Variants in PDE4B observed in about 807,000 individuals in gnomAD.
The protein encoded by PDE4B is 3',5'-cyclic-AMP phosphodiesterase 4B.
In PDE4B, 20 loss-of-function variants were observed where a neutral mutation model predicts 82.2. The observed-to-expected ratio is 0.24, with a 90% CI of 0.17 to 0.35. The LOEUF is 0.35. PDE4B is among the 10% of genes least tolerant of loss of function. The pLI is 1.00. For synonymous variants in PDE4B, 320 were observed against 318.9 expected (o/e 1.00, Z -0.04); for missense variants, 655 against 907.2 (o/e 0.72, Z 3.57).
At chr1:66,252,800 G>A (rs1022187368) in intron 4 of PDE4B, among the ~76,000 whole-genome samples, 1 of 152,150 alleles carries the variant, frequency 6.6e-6, no homozygotes, top group Admixed American at 6.6e-5. Context: ...TTAGCTAGGA[G>A]TAGTGGTGCG....
intron 1 of PDE4B, among the ~76,000 whole-genome samples, chr1:65,901,368 A>C (rs963078095): frequency 3.3e-5 from 5 of 152,022 alleles, no homozygotes; most frequent in Admixed American, 1.3e-4. Flanking sequence ...ATTTTGTTGA[A>C]GATTTTTGCA....
chr1:65,905,306 C>T (rs1383732270), intron 1 of PDE4B, among the ~76,000 whole-genome samples: 3 of 152,020 alleles, frequency 2.0e-5, no homozygotes, highest in African/African-American at 4.8e-5. Context: ...ATGGGTTAGC[C>T]CGGCAAAGTT....
At chr1:66,133,423 C>T (rs559899045) in intron 3 of PDE4B, among the ~76,000 whole-genome samples, 2 of 152,216 alleles carry the variant, frequency 1.3e-5, no homozygotes, top group Non-Finnish European at 2.9e-5. Flanking sequence ...TTTACTTTCA[C>T]TAATGTATCC....
intron 3 of PDE4B, among the ~76,000 whole-genome samples, chr1:66,122,969 G>T (rs1645744371): frequency 6.6e-6 from 1 of 151,804 alleles, no homozygotes; most frequent in African/African-American, 2.4e-5. Flanking sequence ...GCCTCCCAAA[G>T]TGCTGGGATT....
intron 3 of PDE4B, among the ~76,000 whole-genome samples, chr1:66,076,561 G>A (rs1329200536): frequency 1.3e-5 from 2 of 152,030 alleles, no homozygotes; most frequent in Non-Finnish European, 2.9e-5. Flanking sequence ...GGATTTAATG[G>A]TAGTTCAACT....
chr1:66,307,163 G>A (rs2101854459), intron 7 of PDE4B, among the ~76,000 whole-genome samples: 1 of 152,160 alleles, frequency 6.6e-6, no homozygotes, highest in African/African-American at 2.4e-5. Flanking sequence ...TGGTGCAGAA[G>A]TGGAAACAAA....
chr1:66,183,483 C>G (rs117392086), intron 3 of PDE4B, among the ~76,000 whole-genome samples: 2 of 152,034 alleles, frequency 1.3e-5, no homozygotes, highest in African/African-American at 4.8e-5. Context: ...TCATTTAACA[C>G]GAGCAATGAC....
intron 3 of PDE4B, among the ~76,000 whole-genome samples, chr1:66,227,153 T>A (rs1651518663): frequency 6.6e-6 from 1 of 152,212 alleles, no homozygotes; most frequent in Non-Finnish European, 1.5e-5. Context: ...TTCGGCCATG[T>A]GGCGTCTAAG....
chr1:66,200,890 G>C (rs1378372633), intron 3 of PDE4B, among the ~76,000 whole-genome samples: 1 of 152,168 alleles, frequency 6.6e-6, no homozygotes, highest in African/African-American at 2.4e-5. Flanking sequence ...ATGTTGAATA[G>C]GAGTGGTGAG....
At chr1:66,239,694 C>T (rs1260569105) in intron 3 of PDE4B, among the ~76,000 whole-genome samples, 1 of 152,048 alleles carries the variant, frequency 6.6e-6, no homozygotes, top group African/African-American at 2.4e-5. Context: ...AGGAACAACA[C>T]AATGGGAAAT....
At chr1:66,259,062 G>A (rs6668312) in intron 6 of PDE4B, among the ~76,000 whole-genome samples, 21,779 of 152,128 alleles carry the variant, frequency 0.14, 4,218 homozygotes, top group African/African-American at 0.44. Context: ...ATTGATAGTT[G>A]CTTGGGTTTA....
At chr1:66,213,844 G>C (rs1034185646) in intron 3 of PDE4B, among the ~76,000 whole-genome samples, 1 of 151,984 alleles carries the variant, frequency 6.6e-6, no homozygotes, top group Admixed American at 6.6e-5. Context: ...TGATTTTTTG[G>C]AAGTGGAAAT....
At chr1:66,312,908 T>C (rs765737556) in intron 7 of PDE4B, among the ~76,000 whole-genome samples, 4 of 152,242 alleles carry the variant, frequency 2.6e-5, no homozygotes, top group Non-Finnish European at 5.9e-5. Context: ...AGTTTACCTC[T>C]GCTCTGTAGC....
At chr1:66,139,450 C>T (rs549918113) in intron 3 of PDE4B, among the ~76,000 whole-genome samples, 2 of 152,114 alleles carry the variant, frequency 1.3e-5, no homozygotes, top group African/African-American at 4.8e-5. Context: ...ATCTCCTGGG[C>T]TTTCCACATC....
chr1:65,904,271 G>C (rs1647003455), intron 1 of PDE4B, among the ~76,000 whole-genome samples: 1 of 152,118 alleles, frequency 6.6e-6, no homozygotes, highest in Admixed American at 6.5e-5. Context: ...ACTTGTGAAT[G>C]AATGTCATGA....
At chr1:66,051,151 T>C (rs1002067730) in intron 3 of PDE4B, among the ~76,000 whole-genome samples, 2 of 152,114 alleles carry the variant, frequency 1.3e-5, no homozygotes, top group African/African-American at 2.4e-5. Flanking sequence ...GGCACATGTA[T>C]ACATATGTAA....
chr1:66,189,062 TA>T (rs1313331639), intron 3 of PDE4B, among the ~76,000 whole-genome samples: 1 of 59,714 alleles, frequency 1.7e-5, no homozygotes, highest in Non-Finnish European at 4.1e-5. Context: ...TTTGCTTGTC[TA>T]TAAGTATTTC....
At chr1:65,797,098 G>A (rs1645640089) in intron 1 of PDE4B, among the ~76,000 whole-genome samples, 1 of 151,846 alleles carries the variant, frequency 6.6e-6, no homozygotes, top group African/African-American at 2.4e-5. Context: ...GATTACAGGT[G>A]CCCGCCACCA....
chr1:66,083,404 C>T lies in PDE4B; in HGVS notation c.282-164056C>T, dbSNP rs114643143. On this transcript the variant is annotated intron_variant, in intron 3 of 16. Coordinates refer to ENST00000341517, the MANE Select transcript of PDE4B (RefSeq NM_002600.4). ...AGGGACACTCAATCCTACCTCCAGACTTATCACTATTGTCATAGAAATGAC... is the reference window on the plus strand; with the variant it reads ...AGGGACACTCAATCCTACCTCCAGATTTATCACTATTGTCATAGAAATGAC... Among the ~76,000 whole-genome samples, 1,241 of 152,196 alleles carry T rather than the reference C, an allele frequency of 8.2e-3. 19 individuals are homozygous for T. The highest frequency in any genetic ancestry group is 0.029 in the African/African-American group (1,187 of 41,522).
Sources: allele counts gnomAD v4.1 joint callset (sites outside exome capture counted in the v4.1 genomes callset), GRCh38; gene constraint gnomAD v4.1.1; transcripts MANE v1.5; gene names NCBI Gene and HGNC (gene_info 2026-07-23, HGNC 2026-07-21).